The following ABI3BP variants were observed in gnomAD, a reference collection of about 807,000 sequenced individuals.
The protein encoded by ABI3BP is ABI family member 3 binding protein.
A neutral mutation model predicts 268.6 loss-of-function variants in ABI3BP; 216 were observed. The ratio of observed to expected loss-of-function variants is 0.80; its 90% CI spans 0.72 to 0.90. The LOEUF (loss-of-function observed/expected upper bound fraction) is 0.90. Ranked by LOEUF, ABI3BP falls within the 40% of genes least tolerant of loss-of-function variation. The pLI is 0.00. For missense variants in ABI3BP, 2,090 were observed against 2,182.4 expected (o/e 0.96, Z 0.84); for synonymous variants, 730 against 730.0 (o/e 1.00, Z 0.00).
At chr3:100,980,482 T>G (rs1231116621) in intron 1 of ABI3BP, among the ~76,000 whole-genome samples, 1 of 152,196 alleles carries the variant, frequency 6.6e-6, no homozygotes, top group Non-Finnish European at 1.5e-5. Flanking sequence ...GTATTCACTA[T>G]TAATATGGGT....
intron 58 of ABI3BP, 100 bp from the exon 59 acceptor site, chr3:100,778,476 A>G: frequency 9.8e-7 from 1 of 1,016,404 alleles, no homozygotes; most frequent in South Asian, 1.6e-5. Flanking sequence ...AATGTTTGAT[A>G]ATTAGCAGTT....
chr3:100,931,681 G>A (rs2063694589), intron 1 of ABI3BP, among the ~76,000 whole-genome samples: 4 of 151,798 alleles, frequency 2.6e-5, no homozygotes, highest in Admixed American at 6.6e-5. Context: ...CAAGAATTAC[G>A]AAACACTGCT....
intron 1 of ABI3BP, among the ~76,000 whole-genome samples, chr3:100,982,886 C>A (rs1406064222): frequency 6.6e-6 from 1 of 152,114 alleles, no homozygotes; most frequent in Non-Finnish European, 1.5e-5. Flanking sequence ...AATTGTCCTG[C>A]ATCTCCTGCC....
At chr3:100,984,662 A>G (rs544473169) in intron 1 of ABI3BP, among the ~76,000 whole-genome samples, 1 of 152,308 alleles carries the variant, frequency 6.6e-6, no homozygotes, top group African/African-American at 2.4e-5. Flanking sequence ...AACACACTAT[A>G]ACAATCTTGC....
At chr3:100,837,960 A>T (rs567644412) in intron 26 of ABI3BP, among the ~76,000 whole-genome samples, 4 of 152,316 alleles carry the variant, frequency 2.6e-5, no homozygotes, top group Admixed American at 1.3e-4. Flanking sequence ...TTACAAATTC[A>T]GAAAATAGGC....
intron 3 of ABI3BP, among the ~76,000 whole-genome samples, chr3:100,900,072 C>A (rs1195432367): frequency 1.3e-5 from 2 of 152,324 alleles, no homozygotes; most frequent in African/African-American, 4.8e-5. Flanking sequence ...CTAGTGGTGG[C>A]AAATTGCCTC....
At chr3:100,909,188 G>A (rs1202397424) in intron 2 of ABI3BP, among the ~76,000 whole-genome samples, 2 of 152,128 alleles carry the variant, frequency 1.3e-5, no homozygotes, top group Non-Finnish European at 2.9e-5. Context: ...AATGGTGTTG[G>A]GAAAACTGGC....
chr3:100,945,465 T>G (rs2071674187), intron 1 of ABI3BP: 1 of 248,412 alleles, frequency 4.0e-6, no homozygotes, highest in South Asian at 4.3e-5. Flanking sequence ...TTTCCATTAC[T>G]CTAAAACATT....
intron 6 of ABI3BP, among the ~76,000 whole-genome samples, chr3:100,881,138 C>G (rs1330017488): frequency 1.3e-5 from 2 of 152,198 alleles, no homozygotes; most frequent in Non-Finnish European, 2.9e-5. Context: ...AATTTCTGGT[C>G]AACTTAACCT....
At position 100,787,793 on chromosome 3, in the gene ABI3BP, C is replaced by T. The variant is rs1431351361; in HGVS notation, c.4097G>A (p.Arg1366Lys). 1 of 1,520,746 alleles carries T rather than the reference C, an allele frequency of 6.6e-7. No homozygotes were observed. Among genetic ancestry groups the T allele is most frequent in the African/African-American group, 1.4e-5 (1 of 72,308 alleles). 94.2% of individuals were successfully genotyped at this position (1,520,746 alleles called of 1,614,324 possible). A position where few individuals can be genotyped will look rare whatever the true frequency, so the allele number is the denominator to read the frequency against. Reference sequence around the variant, plus strand: ...GGGCCTAGTAGGTCTTGTAGTTGTCCTATTCAGAACTAAAATAAAGTGGGA... The same window carrying T: ...GGGCCTAGTAGGTCTTGTAGTTGTCTTATTCAGAACTAAAATAAAGTGGGA... ...DKPHIRPVLN[R>K]TTTRPTRPKP... Residue 1366 changes from arginine (R) to lysine (K), a missense_variant, in exon 57 of 68, where the codon AGG becomes AAG. Coordinates refer to ENST00000471714, the MANE Select transcript of ABI3BP (RefSeq NM_001375547.2).
chr3:100,834,622 C>G (rs2098547447), intron 29 of ABI3BP, 62 bp downstream of exon 29: 1 of 1,469,704 alleles, frequency 6.8e-7, no homozygotes, highest in Non-Finnish European at 9.2e-7. Flanking sequence ...GCATGTTAAA[C>G]TGCCACCCCC....
Position 100,816,095 on chromosome 3 carries a change from G to A in ABI3BP, c.3230-124C>T, listed in dbSNP as rs1578764093. On this transcript the variant is annotated intron_variant, in intron 43 of 67. Coordinates refer to ENST00000471714, the MANE Select transcript of ABI3BP (RefSeq NM_001375547.2). ...ATTTTTTAAAACTTTTGAATTGATAGGCAGCATATAGTTGCTTTTGGAAGA... is the reference window on the plus strand; with the variant it reads ...ATTTTTTAAAACTTTTGAATTGATAAGCAGCATATAGTTGCTTTTGGAAGA... The A allele has an allele frequency of 5.6e-6, 4 of 708,566 alleles. No homozygotes were observed. In the East Asian group the frequency reaches 8.3e-5, roughly 15 times the overall value. The allele number at this position is 708,566 out of a possible 1,614,324, so 43.9% of individuals were successfully genotyped here.
In ABI3BP at chr3:100,770,734, T is replaced by C. The variant is rs2096524143; in HGVS notation, c.4741+9A>G. 1 of 1,470,662 alleles carries C rather than the reference T, an allele frequency of 6.8e-7. No homozygotes were observed. Among genetic ancestry groups the C allele is most frequent in the Non-Finnish European group, 9.0e-7 (1 of 1,106,646 alleles). 91.1% of individuals were successfully genotyped at this position (1,470,662 alleles called of 1,614,324 possible). ...TCCCACCATAACAGTCCTCATGCCA[T>C]GATCTTACCAGTGACAGTGTCATTT... is the stretch of plus-strand genomic sequence containing the variant. On this transcript the variant is annotated intron_variant, in intron 62 of 67. Transcript: ENST00000471714.
chr3:100,932,894 C>A (rs2064178540), intron 1 of ABI3BP, among the ~76,000 whole-genome samples: 2 of 151,352 alleles, frequency 1.3e-5, no homozygotes, highest in African/African-American at 4.8e-5. Context: ...AGACACATAA[C>A]CCTAACACAT....
intron 43 of ABI3BP, 86 bp downstream of exon 43, chr3:100,816,602 C>T (rs369031957): frequency 9.4e-7 from 1 of 1,058,492 alleles, no homozygotes; most frequent in Non-Finnish European, 1.4e-6. Flanking sequence ...TACTTCCCGT[C>T]ATAGGCATTT....
intron 34 of ABI3BP, among the ~76,000 whole-genome samples, chr3:100,826,126 AAG>A (rs34491010): frequency 0.023 from 3,487 of 152,278 alleles, 113 homozygotes; most frequent in South Asian, 0.11. Flanking sequence ...ACTCATATGA[AAG>A]AGAGACATGA....
intron 9 of ABI3BP, among the ~76,000 whole-genome samples, chr3:100,871,604 C>A (rs2099110344): frequency 6.6e-6 from 1 of 152,306 alleles, no homozygotes; most frequent in South Asian, 2.1e-4. Context: ...ACTTTGCCTG[C>A]ACAAGAGCTC....
rs537325886 is a variant in ABI3BP at position 100,825,838 on chromosome 3, A to G, written c.2609T>C (p.Val870Ala). Residue 870 changes from valine to alanine, a missense_variant, in exon 35 of 68, where the codon GTT (valine) becomes GCT (alanine). By Grantham distance (64) the Val-to-Ala change is moderately conservative. Transcript: ENST00000471714. ...KEAPGTTFVP[V>A]TDLEPVTFRT... The stretch of plus-strand genomic sequence containing the variant: ...AAAAGTAACAGGCTCGAGGTCTGTA[A>G]CAGGAACTGAAGTAATAAGATAAAC... 5.0e-5 allele frequency: 76 copies of G among 1,534,512 alleles called. No individual in the cohort carries two copies. In the South Asian group the frequency reaches 8.8e-4, roughly 18 times the overall value.
intron 54 of ABI3BP, among the ~76,000 whole-genome samples, chr3:100,793,590 T>C (rs942353980): frequency 6.6e-6 from 1 of 152,042 alleles, no homozygotes; most frequent in Non-Finnish European, 1.5e-5. Flanking sequence ...AACTTTGCCA[T>C]CATGGGCACT....
Sources: allele counts gnomAD v4.1 joint callset (sites outside exome capture counted in the v4.1 genomes callset), GRCh38; gene constraint gnomAD v4.1.1; transcripts MANE v1.5; gene names NCBI Gene and HGNC (gene_info 2026-07-23, HGNC 2026-07-21).